The following CADPS2 variants were observed in gnomAD, a reference collection of about 807,000 sequenced individuals.
CADPS2 encodes calcium dependent secretion activator 2.
In CADPS2, 93 loss-of-function variants were observed where a neutral mutation model predicts 172.5. That is an observed-to-expected ratio of 0.54 (90% CI 0.46 to 0.64). The LOEUF is 0.64. Among genes scored for constraint, CADPS2 ranks in the 30% least tolerant of loss-of-function variants. The probability of loss-of-function intolerance (pLI) is 0.00; values close to 1 mark genes in which losing one functional copy is unlikely to be tolerated. For synonymous variants in CADPS2, 546 were observed against 555.2 expected, an observed-to-expected ratio of 0.98 and a Z score of 0.23; for missense variants, 1,420 against 1,565.9, an observed-to-expected ratio of 0.91 and a Z score of 1.57.
chr7:122,427,335 T>C (rs184838080), intron 17 of CADPS2: 1 of 152,284 alleles, frequency 6.6e-6, no homozygotes, highest in African/African-American at 2.4e-5. Flanking sequence ...CGCTATGTTT[T>C]ATAAGAAAGT....
In CADPS2 at chr7:122,438,504, G is replaced by A. The variant is rs183672899; in HGVS notation, c.2353-40C>T. 1,682 of 1,603,732 alleles carry A rather than the reference G, an allele frequency of 1.0e-3. 3 individuals carry two copies. The highest frequency in any genetic ancestry group is 1.7e-3 in the South Asian group (150 of 90,224). On this transcript the variant is annotated intron_variant, in intron 16 of 29. Coordinates refer to ENST00000449022, the MANE Select transcript of CADPS2 (RefSeq NM_017954.11). Reference sequence around the variant, plus strand: ...AGTGGAAGGGTGAGGGGCAGGGTTGGGGATAGACAGATGGAAGAAAAAAGA... The same window carrying A: ...AGTGGAAGGGTGAGGGGCAGGGTTGAGGATAGACAGATGGAAGAAAAAAGA...
chr7:122,448,399 ATTCAAGGTAAGAT>A (rs2052585951), intron 15 of CADPS2, among the ~76,000 whole-genome samples: 1 of 152,186 alleles, frequency 6.6e-6, no homozygotes, highest in African/African-American at 2.4e-5. Context: ...GATTATTACA[ATTCAAGGTAAGAT>A]TTGGGTGGGG....
intron 7 of CADPS2, among the ~76,000 whole-genome samples, chr7:122,564,793 A>G (rs1406184944): frequency 1.3e-5 from 2 of 151,890 alleles, no homozygotes; most frequent in African/African-American, 2.4e-5. Flanking sequence ...ACTGCATAAA[A>G]TTTTTAATTG....
At position 122,490,272 on chromosome 7, in the gene CADPS2, C is replaced by A; in HGVS notation, c.1661G>T (p.Gly554Val). Residue 554 changes from glycine to valine, a missense_variant, in exon 11 of 30, where the codon GGT (glycine) becomes GTT (valine). Coordinates refer to ENST00000449022, the MANE Select transcript of CADPS2 (RefSeq NM_017954.11). ...DYTDPHPGLQ[G>V]GCMFFNAVKE... The stretch of plus-strand genomic sequence containing the variant: ...AACAGCATTAAAGAACATACAACCA[C>A]CCTGAAGGCCTGTGGAGGAAACAAA... The A allele has an allele frequency of 1.9e-6, 3 of 1,612,676 alleles. No individual in the cohort carries two copies. The highest frequency in any genetic ancestry group is 2.5e-6 in the Non-Finnish European group (3 of 1,179,300).
intron 1 of CADPS2, among the ~76,000 whole-genome samples, chr7:122,784,146 C>T (rs1039620388): frequency 1.3e-5 from 2 of 152,038 alleles, no homozygotes; most frequent in Non-Finnish European, 2.9e-5. Flanking sequence ...CACCATGACC[C>T]ACTATTTATC....
chr7:122,325,332 T>C (rs2033611339), intron 29 of CADPS2, 145 bp downstream of exon 29: 1 of 535,592 alleles, frequency 1.9e-6, no homozygotes, highest in Admixed American at 3.3e-5. Flanking sequence ...TTAATCTAAC[T>C]AAACGTGGAA....
intron 1 of CADPS2, among the ~76,000 whole-genome samples, chr7:122,776,273 A>G (rs1015612031): frequency 6.6e-6 from 1 of 152,158 alleles, no homozygotes; most frequent in Admixed American, 6.5e-5. Flanking sequence ...GATCCCCTAC[A>G]CATGCTCTCT....
intron 9 of CADPS2, among the ~76,000 whole-genome samples, chr7:122,492,486 A>T: frequency 6.6e-6 from 1 of 152,016 alleles, no homozygotes; most frequent in Non-Finnish European, 1.5e-5. Context: ...GTAAATGGGG[A>T]ATGTTTCATT....
chr7:122,804,086 C>G (rs1368030200), intron 1 of CADPS2, among the ~76,000 whole-genome samples: 1 of 151,954 alleles, frequency 6.6e-6, no homozygotes, highest in Non-Finnish European at 1.5e-5. Context: ...AGCTACCACA[C>G]TGCTCTCTTA....
chr7:122,390,513 A>G (rs2044239082), intron 22 of CADPS2, among the ~76,000 whole-genome samples: 3 of 152,072 alleles, frequency 2.0e-5, no homozygotes, highest in Admixed American at 2.0e-4. Flanking sequence ...ACACAATGAC[A>G]AGGAAAAACA....
At chr7:122,579,993 T>A (rs1350908070) in intron 7 of CADPS2, among the ~76,000 whole-genome samples, 1 of 152,088 alleles carries the variant, frequency 6.6e-6, no homozygotes, top group East Asian at 1.9e-4. Context: ...TGACTTCAGT[T>A]TTTTAAAAAA....
At chr7:122,689,237 T>C (rs189531759) in intron 2 of CADPS2, among the ~76,000 whole-genome samples, 2 of 152,216 alleles carry the variant, frequency 1.3e-5, no homozygotes, top group Admixed American at 1.3e-4. Flanking sequence ...GGACACCCCT[T>C]GTAAAGCTGC....
chr7:122,718,695 A>G (rs144943212), intron 2 of CADPS2, among the ~76,000 whole-genome samples: 2 of 152,258 alleles, frequency 1.3e-5, no homozygotes, highest in East Asian at 3.9e-4. Flanking sequence ...TCCAAGCATT[A>G]CAACACAACA....
At chr7:122,457,941 T>G (rs909116764) in intron 14 of CADPS2, among the ~76,000 whole-genome samples, 2 of 152,194 alleles carry the variant, frequency 1.3e-5, no homozygotes, top group Non-Finnish European at 2.9e-5. Flanking sequence ...TTAAATTAAA[T>G]TAAATGCTCC....
chr7:122,642,291 A>AAG (rs2077743822), intron 3 of CADPS2, among the ~76,000 whole-genome samples: 1 of 151,730 alleles, frequency 6.6e-6, no homozygotes, highest in African/African-American at 2.4e-5. Context: ...AAAAAAAAAA[A>AAG]AAAAGGAGAA....
intron 11 of CADPS2, among the ~76,000 whole-genome samples, chr7:122,487,055 G>A (rs867397844): frequency 6.3e-5 from 8 of 127,884 alleles, no homozygotes; most frequent in African/African-American, 9.1e-5. Context: ...TCACTCTATC[G>A]CCCAGGCTGG....
intron 6 of CADPS2, among the ~76,000 whole-genome samples, chr7:122,590,907 G>C (rs970546740): frequency 6.6e-6 from 1 of 151,584 alleles, no homozygotes; most frequent in Non-Finnish European, 1.5e-5. Context: ...TTTATTTACT[G>C]AATGTATTTT....
At chr7:122,593,348 C>T (rs2133265589) in intron 6 of CADPS2, among the ~76,000 whole-genome samples, 1 of 152,004 alleles carries the variant, frequency 6.6e-6, no homozygotes, top group Non-Finnish European at 1.5e-5. Context: ...AAAAAAGAGC[C>T]ATTACCTGAG....
chr7:122,442,465 A>C (rs2151968047), intron 15 of CADPS2, among the ~76,000 whole-genome samples: 1 of 152,286 alleles, frequency 6.6e-6, no homozygotes, highest in Non-Finnish European at 1.5e-5. Flanking sequence ...TCTGACTTAG[A>C]AATCTGCAAA....
Sources: gnomAD v4.1 joint callset for allele counts (sites outside exome capture counted in the v4.1 genomes callset) on GRCh38, gnomAD v4.1.1 for gene constraint, MANE v1.5 for transcripts, NCBI Gene and HGNC (gene_info 2026-07-23, HGNC 2026-07-21) for gene names.